KCNH5: variants seen among roughly 807,000 people sequenced by gnomAD.
KCNH5 encodes the protein potassium voltage-gated channel subfamily H member 5.
A neutral mutation model predicts 96.1 loss-of-function variants in KCNH5; 46 were observed. That is an observed-to-expected ratio of 0.48 (90% CI 0.38 to 0.61). The LOEUF (loss-of-function observed/expected upper bound fraction) is 0.61. Ranked by LOEUF, KCNH5 falls within the 20% of genes least tolerant of loss-of-function variation. The pLI, the probability that KCNH5 is intolerant of heterozygous loss-of-function variation, is 0.00. For missense variants in KCNH5, 907 were observed against 1,225.8 expected (o/e 0.74, Z 3.88); for synonymous variants, 439 against 449.8 (o/e 0.98, Z 0.30).
intron 10 of KCNH5, among the ~76,000 whole-genome samples, chr14:62,741,681 G>A (rs926255550): frequency 6.6e-6 from 1 of 151,960 alleles, no homozygotes; most frequent in Non-Finnish European, 1.5e-5. Context: ...ATTTTGGCTA[G>A]TAAAAGTTGA....
intron 8 of KCNH5, among the ~76,000 whole-genome samples, chr14:62,805,143 C>T (rs1359377406): frequency 6.6e-6 from 1 of 152,070 alleles, no homozygotes; most frequent in Non-Finnish European, 1.5e-5. Context: ...AAATAGACTG[C>T]TCTATTTTGA....
At chr14:62,773,613 C>T (rs768084017) in intron 10 of KCNH5, among the ~76,000 whole-genome samples, 22 of 152,112 alleles carry the variant, frequency 1.4e-4, no homozygotes, top group African/African-American at 5.1e-4. Flanking sequence ...CATGAGAAGA[C>T]GTATAGAAAC....
intron 7 of KCNH5, among the ~76,000 whole-genome samples, chr14:62,855,933 G>C (rs1012406526): frequency 1.3e-5 from 2 of 152,040 alleles, no homozygotes; most frequent in African/African-American, 4.8e-5. Context: ...TGATAAAAAA[G>C]ACAGACATAA....
intron 8 of KCNH5, among the ~76,000 whole-genome samples, chr14:62,823,499 G>A (rs1241093789): frequency 6.6e-6 from 1 of 152,028 alleles, no homozygotes; most frequent in Non-Finnish European, 1.5e-5. Context: ...TTCATGCACA[G>A]TCTCTGTTAG....
intron 7 of KCNH5, among the ~76,000 whole-genome samples, chr14:62,946,388 G>C (rs1889886878): frequency 6.6e-6 from 1 of 152,044 alleles, no homozygotes; most frequent in Admixed American, 6.6e-5. Context: ...TTTAAAAATT[G>C]AACATACACT....
At chr14:62,812,363 C>A (rs1317763256) in intron 8 of KCNH5, among the ~76,000 whole-genome samples, 4 of 152,114 alleles carry the variant, frequency 2.6e-5, no homozygotes. Context: ...GTATCACATA[C>A]TTCAATATGT....
chr14:62,772,344 GT>G (rs1319473532), intron 10 of KCNH5, among the ~76,000 whole-genome samples: 2 of 151,944 alleles, frequency 1.3e-5, no homozygotes, highest in African/African-American at 4.8e-5. Context: ...AGATACAAAA[GT>G]GAAAAAGTAG....
At chr14:62,997,098 T>G (rs1212584867) in intron 4 of KCNH5, among the ~76,000 whole-genome samples, 1 of 152,222 alleles carries the variant, frequency 6.6e-6, no homozygotes, top group East Asian at 1.9e-4. Flanking sequence ...TGAGATGTTT[T>G]GATACAGGCA....
chr14:62,823,199 C>T (rs1887150513), intron 8 of KCNH5, among the ~76,000 whole-genome samples: 1 of 152,122 alleles, frequency 6.6e-6, no homozygotes. Context: ...GTCCACCTGT[C>T]CCTTGTTCCA....
chr14:62,911,039 C>T (rs1889143093), intron 7 of KCNH5, among the ~76,000 whole-genome samples: 1 of 152,036 alleles, frequency 6.6e-6, no homozygotes, highest in Non-Finnish European at 1.5e-5. Context: ...TCTCTTCCCT[C>T]ACTGAAATAC....
chr14:62,767,479 A>G (rs1198393769), intron 10 of KCNH5, among the ~76,000 whole-genome samples: 1 of 152,258 alleles, frequency 6.6e-6, no homozygotes, highest in Non-Finnish European at 1.5e-5. Flanking sequence ...TACACACTGG[A>G]ATACTACACA....
intron 10 of KCNH5, among the ~76,000 whole-genome samples, chr14:62,768,926 G>A (rs8019154): frequency 3.9e-4 from 60 of 152,298 alleles, no homozygotes; most frequent in African/African-American, 1.3e-3. Flanking sequence ...TTTTTATTCC[G>A]TCTGGAAGCA....
At chr14:62,737,747 C>A (rs756115742) in intron 10 of KCNH5, among the ~76,000 whole-genome samples, 1 of 151,988 alleles carries the variant, frequency 6.6e-6, no homozygotes, top group Non-Finnish European at 1.5e-5. Context: ...AAAAGAAATC[C>A]CAGTCGAGTA....
At chr14:62,769,745 A>G (rs1170165567) in intron 10 of KCNH5, among the ~76,000 whole-genome samples, 1 of 152,240 alleles carries the variant, frequency 6.6e-6, no homozygotes, top group Non-Finnish European at 1.5e-5. Flanking sequence ...GTGATGATAA[A>G]AACTGCTGGG....
At chr14:62,757,920 T>TG (rs1286484962) in intron 10 of KCNH5, among the ~76,000 whole-genome samples, 4 of 151,996 alleles carry the variant, frequency 2.6e-5, no homozygotes, top group African/African-American at 9.7e-5. Flanking sequence ...CTACGGTGGG[T>TG]GGATCACCTG....
At chr14:63,039,064 G>C (rs182696160) in intron 1 of KCNH5, among the ~76,000 whole-genome samples, 16 of 152,172 alleles carry the variant, frequency 1.1e-4, no homozygotes, top group Admixed American at 9.8e-4. Context: ...ATGTTTATCT[G>C]ATTCACAACA....
chr14:63,043,853 T>G (rs1026362455), intron 1 of KCNH5, among the ~76,000 whole-genome samples: 2 of 152,182 alleles, frequency 1.3e-5, no homozygotes, highest in Non-Finnish European at 2.9e-5. Context: ...AAAGCATTAT[T>G]TATTTAATTA....
intron 10 of KCNH5, among the ~76,000 whole-genome samples, chr14:62,766,323 T>C (rs1450274762): frequency 6.6e-6 from 1 of 152,192 alleles, no homozygotes; most frequent in Non-Finnish European, 1.5e-5. Flanking sequence ...ATCCCACTGC[T>C]GGGTATATAC....
intron 7 of KCNH5, among the ~76,000 whole-genome samples, chr14:62,905,509 G>T (rs1889010405): frequency 6.6e-6 from 1 of 152,152 alleles, no homozygotes; most frequent in Non-Finnish European, 1.5e-5. Flanking sequence ...GGGGGCAGGG[G>T]AGAAGGATGA....
Sources: gnomAD v4.1 joint callset for allele counts (sites outside exome capture counted in the v4.1 genomes callset) on GRCh38, gnomAD v4.1.1 for gene constraint, MANE v1.5 for transcripts, NCBI Gene and HGNC (gene_info 2026-07-23, HGNC 2026-07-21) for gene names.